TCF3: variants seen among roughly 807,000 people sequenced by gnomAD.
TCF3 encodes the protein transcription factor 3.
TCF3 carries 54 observed loss-of-function variants against 72.3 expected under a neutral mutation model. The ratio of observed to expected loss-of-function variants is 0.75; its 90% CI spans 0.60 to 0.94. TCF3 has a LOEUF of 0.94. Among genes scored for constraint, TCF3 ranks in the 40% least tolerant of loss-of-function variants. The pLI is 0.00. For synonymous variants in TCF3, 525 were observed against 412.6 expected, an observed-to-expected ratio of 1.27 and a Z score of -3.30; for missense variants, 1,078 against 934.4, an observed-to-expected ratio of 1.15 and a Z score of -2.00.
At chr19:1,624,350 C>T (rs963936287) in intron 7 of TCF3, among the ~76,000 whole-genome samples, 4 of 152,136 alleles carry the variant, frequency 2.6e-5, no homozygotes, top group Non-Finnish European at 2.9e-5. Context: ...GAGCCGAGAT[C>T]GTGTCACTGC....
At chr19:1,631,897 G>C in intron 5 of TCF3, 141 bp downstream of exon 5, 1 of 1,529,378 alleles carries the variant, frequency 6.5e-7, no homozygotes, top group East Asian at 2.5e-5. Flanking sequence ...CTGCTCCCAG[G>C]ACGGGCAGAG....
At chr19:1,651,328 C>G (rs1387487186) in intron 1 of TCF3, 1 of 228,514 alleles carries the variant, frequency 4.4e-6, no homozygotes, top group Non-Finnish European at 8.7e-6. Context: ...GGAGACCCAA[C>G]TTCAGAAGCA....
chr19:1,642,241 G>C (rs1381315377), intron 3 of TCF3, among the ~76,000 whole-genome samples: 5 of 141,924 alleles, frequency 3.5e-5, no homozygotes, highest in East Asian at 2.0e-4. Flanking sequence ...CGCACGCGCA[G>C]ACGCACACAC....
chr19:1,620,548 C>A (rs1040007166), intron 13 of TCF3, among the ~76,000 whole-genome samples: 1 of 152,236 alleles, frequency 6.6e-6, no homozygotes, highest in African/African-American at 2.4e-5. Flanking sequence ...GACCTGGGAG[C>A]TGCTAGGCAC....
intron 3 of TCF3, among the ~76,000 whole-genome samples, chr19:1,639,469 A>G (rs921841924): frequency 5.3e-5 from 8 of 152,320 alleles, no homozygotes; most frequent in African/African-American, 1.2e-4. Flanking sequence ...AACAGAACAG[A>G]GGGGGATGGC....
chr19:1,617,690 A>C (rs1019857289), intron 16 of TCF3, among the ~76,000 whole-genome samples: 1 of 152,210 alleles, frequency 6.6e-6, no homozygotes, highest in Non-Finnish European at 1.5e-5. Context: ...CAGCACACGA[A>C]GTGAAGGACA....
chr19:1,623,725 C>G (rs968508264), intron 8 of TCF3, among the ~76,000 whole-genome samples: 1 of 152,160 alleles, frequency 6.6e-6, no homozygotes, highest in African/African-American at 2.4e-5. Context: ...ACCAGGACTG[C>G]CTTTCTCTCA....
At chr19:1,629,391 C>G (rs1461303156) in intron 5 of TCF3, among the ~76,000 whole-genome samples, 2 of 152,182 alleles carry the variant, frequency 1.3e-5, no homozygotes, top group African/African-American at 4.8e-5. Flanking sequence ...GAGCACGTGA[C>G]CTGCACCCCA....
intron 3 of TCF3, among the ~76,000 whole-genome samples, chr19:1,645,833 T>C (rs926273050): frequency 1.3e-5 from 2 of 152,166 alleles, no homozygotes; most frequent in Non-Finnish European, 2.9e-5. Flanking sequence ...GTCCCAGGAA[T>C]TGCCCCTCAG....
chr19:1,651,359 G>A (rs980953331), intron 1 of TCF3: 2 of 227,026 alleles, frequency 8.8e-6, no homozygotes, highest in African/African-American at 2.2e-5. Context: ...CTCTTTGTCT[G>A]CCAACTGGAG....
chr19:1,641,149 C>G (rs1229426111), intron 3 of TCF3, among the ~76,000 whole-genome samples: 2 of 74,654 alleles, frequency 2.7e-5, no homozygotes, highest in African/African-American at 1.4e-4. Context: ...GCAACAAGAG[C>G]AAAACTCGGT....
intron 3 of TCF3, among the ~76,000 whole-genome samples, chr19:1,644,307 G>A (rs1433472921): frequency 6.6e-6 from 1 of 152,218 alleles, no homozygotes; most frequent in Admixed American, 6.5e-5. Context: ...GAGGCAATGA[G>A]GAGGGTGCCA....
rs759995725 is a variant in TCF3 at position 1,619,770 on chromosome 19, A to C, written c.1167+10T>G. 3.5e-5 allele frequency: 53 copies of C among 1,518,020 alleles called. 1 individual carries two copies. The African/African-American group carries it at 7.0e-4, about 20-fold the overall frequency. The allele number at this position is 1,518,020 out of a possible 1,614,324, so 94.0% of individuals were successfully genotyped here. On this transcript the variant is annotated intron_variant, in intron 14 of 18. Coordinates refer to ENST00000262965, the MANE Select transcript of TCF3 (RefSeq NM_003200.5). The stretch of plus-strand genomic sequence containing the variant: ...GGGGAAGGGTGGGGTGGGGCGGGGC[A>C]GGCACTCACCAGGCCGTGGAGACCC...
chr19:1,649,085 T>C (rs888678762), intron 2 of TCF3, among the ~76,000 whole-genome samples: 1 of 152,208 alleles, frequency 6.6e-6, no homozygotes, highest in African/African-American at 2.4e-5. Flanking sequence ...GAATGGGCCG[T>C]ACAGGGACAG....
rs1043295448 is a variant in TCF3 at position 1,619,828 on chromosome 19, T to C, written c.1119A>G (p.Gly373=). 1 of 1,578,476 alleles carries C rather than the reference T, an allele frequency of 6.3e-7. No homozygotes were observed. Among genetic ancestry groups the C allele is most frequent in the South Asian group, 1.2e-5 (1 of 85,904 alleles). Residue 373 remains glycine (G), a synonymous_variant, in exon 14 of 19, where the codon GGA becomes GGG. Coordinates refer to ENST00000262965, the MANE Select transcript of TCF3 (RefSeq NM_003200.5). ...LAGTSQWPRA[G]APGALSPSYD... is the part of the protein sequence containing the mutation. Reference sequence around the variant, plus strand: ...AGCTGGGCGATAAGGCACCGGGGGCTCCTGCTCGAGGCCACTGTGACGTTC... The same window carrying C: ...AGCTGGGCGATAAGGCACCGGGGGCCCCTGCTCGAGGCCACTGTGACGTTC...
At position 1,610,337 on chromosome 19, in the gene TCF3, T is replaced by C. The variant is rs112875117; in HGVS notation, c.*1370A>G. 55 of 230,468 alleles carry C rather than the reference T, an allele frequency of 2.4e-4. No homozygotes were observed. Among genetic ancestry groups the C allele is most frequent in the African/African-American group, 1.1e-3 (50 of 45,194 alleles). The allele number at this position is 230,468 out of a possible 1,614,324, so 14.3% of individuals were successfully genotyped here. ...GCAGGTGTGGCCCCAGGCCCAGGGA[T>C]GCTCCCCAGCATTGGGGGAGGCTGG... On this transcript the variant is annotated 3_prime_UTR_variant, in exon 19 of 19. Transcript: ENST00000262965.
chr19:1,620,883 C>G (rs144550260), intron 13 of TCF3, 85 bp downstream of exon 13: 91 of 1,312,666 alleles, frequency 6.9e-5, no homozygotes, highest in Admixed American at 1.8e-4. Context: ...TCCCCTCCCC[C>G]GCAAAGCCTT....
chr19:1,624,412 G>A lies in TCF3; in HGVS notation c.500-412C>T, dbSNP rs10420947. Among the ~76,000 whole-genome samples the A allele has an allele frequency of 5.1e-3, 771 of 152,278 alleles. 7 individuals are homozygous for A. The highest frequency in any genetic ancestry group is 0.018 in the African/African-American group (730 of 41,554). On this transcript the variant is annotated intron_variant, in intron 7 of 18. Coordinates refer to ENST00000262965, the MANE Select transcript of TCF3 (RefSeq NM_003200.5). ...TCCGTCTCAAAACACAACAGCAGCA[G>A]CAGCAACAACAACAAAAAGCCCCGG...
rs1036064638 is a variant in TCF3, at chr19:1,615,840, CAG to C, written c.1451-21_1451-20del. 5.3e-6 allele frequency: 8 copies of C among 1,522,312 alleles called. No homozygotes were observed. The highest frequency in any genetic ancestry group is 7.1e-6 in the Non-Finnish European group (8 of 1,133,652). The allele number at this position is 1,522,312 out of a possible 1,614,324, so 94.3% of individuals were successfully genotyped here. A position where few individuals can be genotyped will look rare whatever the true frequency, so the allele number is the denominator to read the frequency against. On this transcript the variant is annotated intron_variant, in intron 16 of 18. Transcript: ENST00000262965. This position sits in a 1 kb window ranked among gnomAD's most constrained non-coding sequence, Gnocchi z 7.3. ...CCTAGCCCTGCAACAGGCCTAGGGT[CAG>C]GGGCCTGCGTCGGCCTCCAGGGCCA...
Sources: gnomAD v4.1 joint callset for allele counts (sites outside exome capture counted in the v4.1 genomes callset) on GRCh38, gnomAD v4.1.1 for gene constraint, Gnocchi (gnomAD v3.1) non-coding constraint, MANE v1.5 for transcripts, NCBI Gene and HGNC (gene_info 2026-07-23, HGNC 2026-07-21) for gene names.